Variants in NCAM1 observed in about 807,000 individuals in gnomAD.
The protein encoded by NCAM1 is antigen recognized by monoclonal antibody 5.1H11.
In NCAM1, 14 loss-of-function variants were observed where a neutral mutation model predicts 109.8. The ratio of observed to expected loss-of-function variants is 0.13; its 90% confidence interval spans 0.08 to 0.20. The LOEUF (loss-of-function observed/expected upper bound fraction) is 0.20, where lower values mean the gene tolerates loss of function less well. NCAM1 is among the 10% of genes least tolerant of loss of function. The probability of loss-of-function intolerance (pLI) is 1.00; values close to 1 mark genes in which losing one functional copy is unlikely to be tolerated. For synonymous variants in NCAM1, 418 were observed against 442.9 expected (o/e 0.94, Z 0.70); for missense variants, 774 against 1,109.9 (o/e 0.70, Z 4.30).
intron 1 of NCAM1, among the ~76,000 whole-genome samples, chr11:113,089,360 AAAAT>A (rs1939235519): frequency 1.5e-5 from 2 of 133,036 alleles, no homozygotes; most frequent in Admixed American, 7.7e-5. Context: ...TTGAAACTAA[AAAAT>A]AGAGTGGGTT....
At chr11:113,222,957 GA>G (rs1487856133) in intron 9 of NCAM1, among the ~76,000 whole-genome samples, 1 of 152,156 alleles carries the variant, frequency 6.6e-6, no homozygotes, top group African/African-American at 2.4e-5. Context: ...AAGTCCAGAT[GA>G]GTGCAAAAGA....
intron 1 of NCAM1, among the ~76,000 whole-genome samples, chr11:113,094,862 C>A (rs377122777): frequency 1.3e-5 from 2 of 152,014 alleles, no homozygotes; most frequent in Non-Finnish European, 2.9e-5. Context: ...TTGACAAGAA[C>A]GAAAAATGTC....
At chr11:113,172,216 T>C (rs1333028394) in intron 1 of NCAM1, among the ~76,000 whole-genome samples, 2 of 152,170 alleles carry the variant, frequency 1.3e-5, no homozygotes, top group African/African-American at 4.8e-5. Flanking sequence ...TCCCATTAGG[T>C]CCTTAGTTTT....
Position 113,174,659 on chromosome 11 carries a change from G to C in NCAM1, c.53-27720G>C, listed in dbSNP as rs149956333. ...GACTTTAACCTTATTGCAAATTCAGGAATGTGAAAAATTCATATATAGTAT... is the reference window on the plus strand; with the variant it reads ...GACTTTAACCTTATTGCAAATTCAGCAATGTGAAAAATTCATATATAGTAT... On this transcript the variant is annotated intron_variant, in intron 1 of 19. Coordinates refer to ENST00000316851, the MANE Select transcript of NCAM1 (RefSeq NM_181351.5). 3.0e-3 allele frequency among the ~76,000 whole-genome samples: 459 copies of C among 152,276 alleles called. 2 individuals are homozygous for C. The highest frequency in any genetic ancestry group is 0.011 in the African/African-American group (440 of 41,544).
chr11:113,126,067 G>A (rs117768977), intron 1 of NCAM1, among the ~76,000 whole-genome samples: 7,426 of 150,484 alleles, frequency 0.049, 572 homozygotes, highest in Admixed American at 0.16. Flanking sequence ...TGAGGTGGGA[G>A]AATCTCATGA....
intron 1 of NCAM1, among the ~76,000 whole-genome samples, chr11:113,112,564 TTG>T (rs1469495577): frequency 6.6e-6 from 1 of 152,128 alleles, no homozygotes; most frequent in Non-Finnish European, 1.5e-5. Flanking sequence ...GCTTGAAGAA[TTG>T]TGATACTTAA....
At chr11:113,110,457 T>C (rs782300644) in intron 1 of NCAM1, among the ~76,000 whole-genome samples, 21 of 152,234 alleles carry the variant, frequency 1.4e-4, no homozygotes, top group Non-Finnish European at 2.6e-4. Context: ...TTGATTATCC[T>C]CATCTCCCCT....
intron 1 of NCAM1, among the ~76,000 whole-genome samples, chr11:112,974,156 T>C (rs1187999950): frequency 6.6e-6 from 1 of 152,056 alleles, no homozygotes; most frequent in Admixed American, 6.6e-5. Context: ...CTTTGAAACA[T>C]GAAGAATGAA....
At chr11:113,042,527 T>A (rs1555080119) in intron 1 of NCAM1, among the ~76,000 whole-genome samples, 1 of 152,182 alleles carries the variant, frequency 6.6e-6, no homozygotes, top group African/African-American at 2.4e-5. Context: ...CTCCTTGTGA[T>A]CTTTCCTCCT....
chr11:113,237,929 G>GATATATAGATAT (rs1491082947), intron 14 of NCAM1, among the ~76,000 whole-genome samples: 2 of 18,418 alleles, frequency 1.1e-4, no homozygotes, highest in African/African-American at 2.2e-4. Flanking sequence ...TATAGATATA[G>GATATATAGATAT]ATATATAGAT....
chr11:113,048,142 C>T (rs1953337263), intron 1 of NCAM1, among the ~76,000 whole-genome samples: 1 of 152,162 alleles, frequency 6.6e-6, no homozygotes, highest in African/African-American at 2.4e-5. Context: ...TCTGACATTG[C>T]TGTCCTGTTT....
intron 9 of NCAM1, chr11:113,231,127 A>C: frequency 7.2e-7 from 1 of 1,385,128 alleles, no homozygotes; most frequent in Non-Finnish European, 9.9e-7. Flanking sequence ...TCCAGGAAAG[A>C]GGCATCTGCA....
At position 113,123,291 on chromosome 11, in the gene NCAM1, T is replaced by A. The variant is rs148224634; in HGVS notation, c.53-79088T>A. Among the ~76,000 whole-genome samples the A allele has an allele frequency of 1.3e-5, 2 of 152,328 alleles. 1 individual carries two copies. Among genetic ancestry groups the A allele is most frequent in the African/African-American group, 4.8e-5 (2 of 41,572 alleles). On this transcript the variant is annotated intron_variant, in intron 1 of 19. Coordinates refer to ENST00000316851, the MANE Select transcript of NCAM1 (RefSeq NM_181351.5). ...ACACCCTGGTTTGATCATTACATAT[T>A]GTATGTATGCATCAAAATATCACAT...
chr11:113,212,310 T>C (rs1235440056), intron 7 of NCAM1, among the ~76,000 whole-genome samples: 1 of 152,176 alleles, frequency 6.6e-6, no homozygotes, highest in African/African-American at 2.4e-5. Context: ...CCCACAGCAC[T>C]CTGTAGACTA....
intron 7 of NCAM1, among the ~76,000 whole-genome samples, chr11:113,209,475 A>G (rs533170712): frequency 6.6e-6 from 1 of 152,342 alleles, no homozygotes; most frequent in South Asian, 2.1e-4. Context: ...AAGTTTTTCC[A>G]TATTGTAGAA....
intron 1 of NCAM1, among the ~76,000 whole-genome samples, chr11:112,982,173 A>G (rs977359948): frequency 1.3e-5 from 2 of 152,012 alleles, no homozygotes; most frequent in Non-Finnish European, 2.9e-5. Flanking sequence ...GGTCTTGCAC[A>G]TAGGTGCAAG....
rs527451873 is a variant in NCAM1 at position 113,277,093 on chromosome 11, AGATGAT to A, written c.*1721_*1726del. 2.7e-6 allele frequency: 1 copy of A among 374,190 alleles called. No individual in the cohort carries two copies. The highest frequency in any genetic ancestry group is 4.7e-6 in the Non-Finnish European group (1 of 211,150). 23.2% of individuals were successfully genotyped at this position (374,190 alleles called of 1,614,324 possible). A position where few individuals can be genotyped will look rare whatever the true frequency, so the allele number is the denominator to read the frequency against. On this transcript the variant is annotated 3_prime_UTR_variant, in exon 20 of 20. Transcript: ENST00000316851. ...CCTTTTAACAAAGAAAATGAAATAC[AGATGAT>A]GATGATGATGATGAAGATGATGCTA... is the stretch of plus-strand genomic sequence containing the variant.
intron 1 of NCAM1, among the ~76,000 whole-genome samples, chr11:113,049,654 A>G (rs1953394386): frequency 6.6e-6 from 1 of 152,204 alleles, no homozygotes; most frequent in Non-Finnish European, 1.5e-5. Context: ...CTGCCCTGCC[A>G]CAAAAAGTGT....
At chr11:113,013,234 C>G (rs756609721) in intron 1 of NCAM1, among the ~76,000 whole-genome samples, 22 of 151,824 alleles carry the variant, frequency 1.4e-4, no homozygotes, top group Admixed American at 2.0e-4. Context: ...CAAGACCAGC[C>G]TGGCCAACAT....
Sources: allele counts gnomAD v4.1 joint callset (sites outside exome capture counted in the v4.1 genomes callset), GRCh38; gene constraint gnomAD v4.1.1; transcripts MANE v1.5; gene names NCBI Gene and HGNC (gene_info 2026-07-23, HGNC 2026-07-21).